LINGO2: variants seen among roughly 807,000 people sequenced by gnomAD.
LINGO2 encodes leucine rich repeat and Ig domain containing 2.
A neutral mutation model predicts 30.6 loss-of-function variants in LINGO2; 14 were observed. The ratio of observed to expected loss-of-function variants is 0.46; its 90% CI spans 0.30 to 0.72. The LOEUF is 0.72. Among genes scored for constraint, LINGO2 ranks in the 30% least tolerant of loss-of-function variants. The pLI, the probability that LINGO2 is intolerant of heterozygous loss-of-function variation, is 0.07. For missense variants in LINGO2, 729 were observed against 751.7 expected (o/e 0.97, Z 0.35); for synonymous variants, 317 against 288.5 (o/e 1.10, Z -1.00).
the LINGO2 span, among the ~76,000 whole-genome samples, chr9:28,787,023 C>T: frequency 2.3e-4 from 35 of 152,206 alleles, no homozygotes; most frequent in African/African-American, 8.4e-4. Flanking sequence ...TGAAGAAAAG[C>T]TAGTTCTAGG....
At chr9:28,435,631 G>A (rs910919917) in intron 2 of LINGO2, among the ~76,000 whole-genome samples, 4 of 152,172 alleles carry the variant, frequency 2.6e-5, no homozygotes, top group African/African-American at 9.7e-5. Flanking sequence ...CTGGAATGCA[G>A]GCTTACACAT....
the LINGO2 span, among the ~76,000 whole-genome samples, chr9:28,723,215 T>C: frequency 6.6e-6 from 1 of 152,158 alleles, no homozygotes; most frequent in African/African-American, 2.4e-5. Context: ...CTGAGATCCA[T>C]CACTTCTAAT....
chr9:29,098,998 AAC>A, the LINGO2 span, among the ~76,000 whole-genome samples: 1 of 152,200 alleles, frequency 6.6e-6, no homozygotes, highest in African/African-American at 2.4e-5. Context: ...GAGCTATAGT[AAC>A]CAAAACAGTA....
At chr9:28,307,280 T>G (rs952738873) in intron 3 of LINGO2, among the ~76,000 whole-genome samples, 1 of 151,906 alleles carries the variant, frequency 6.6e-6, no homozygotes, top group African/African-American at 2.4e-5. Flanking sequence ...TCAATATATG[T>G]AAATCAATAA....
At chr9:28,260,138 C>T (rs13299424) in intron 4 of LINGO2, among the ~76,000 whole-genome samples, 25,866 of 151,558 alleles carry the variant, frequency 0.17, 3,047 homozygotes, top group Non-Finnish European at 0.25. Flanking sequence ...GAAATTATAT[C>T]GTGATAACCC....
At chr9:29,080,491 G>A in the LINGO2 span, among the ~76,000 whole-genome samples, 1 of 151,864 alleles carries the variant, frequency 6.6e-6, no homozygotes, top group Non-Finnish European at 1.5e-5. Context: ...GCTAGCTTTT[G>A]AATGTGTTTG....
At chr9:28,090,866 T>C (rs1361390804) in intron 4 of LINGO2, among the ~76,000 whole-genome samples, 1 of 152,154 alleles carries the variant, frequency 6.6e-6, no homozygotes, top group African/African-American at 2.4e-5. Context: ...TTCAGCAAAG[T>C]CTCAGGATAC....
At chr9:29,202,038 G>A in the LINGO2 span, among the ~76,000 whole-genome samples, 1 of 151,992 alleles carries the variant, frequency 6.6e-6, no homozygotes, top group African/African-American at 2.4e-5. Flanking sequence ...CTGTCTAAAT[G>A]TTCTAAAAAT....
At chr9:28,938,017 T>C in the LINGO2 span, among the ~76,000 whole-genome samples, 1 of 152,164 alleles carries the variant, frequency 6.6e-6, no homozygotes, top group Non-Finnish European at 1.5e-5. Context: ...TTAGCTCCCA[T>C]TTACAAGTGA....
chr9:28,597,833 C>T (rs1825263811), intron 1 of LINGO2, among the ~76,000 whole-genome samples: 3 of 152,098 alleles, frequency 2.0e-5, no homozygotes, highest in African/African-American at 4.8e-5. Flanking sequence ...GACACAATCT[C>T]GGCTCACTGC....
At chr9:28,751,020 T>C in the LINGO2 span, among the ~76,000 whole-genome samples, 1 of 151,746 alleles carries the variant, frequency 6.6e-6, no homozygotes, top group Non-Finnish European at 1.5e-5. Flanking sequence ...ATTCCAGAAA[T>C]TTGGGAGGAC....
At chr9:28,685,977 A>ATGTGTGTGTGTGTGTGTGTG in the LINGO2 span, among the ~76,000 whole-genome samples, 1 of 145,584 alleles carries the variant, frequency 6.9e-6, no homozygotes, top group African/African-American at 2.5e-5. Flanking sequence ...AACATATATG[A>ATGTGTGTGTGTGTGTGTGTG]TGTGTGTGTG....
the LINGO2 span, among the ~76,000 whole-genome samples, chr9:28,693,137 G>T: frequency 1.3e-5 from 2 of 151,936 alleles, no homozygotes; most frequent in Non-Finnish European, 2.9e-5. Context: ...CCAATTTTGT[G>T]CTTTAGTCAT....
At chr9:28,911,236 A>AT in the LINGO2 span, among the ~76,000 whole-genome samples, 4 of 152,020 alleles carry the variant, frequency 2.6e-5, no homozygotes, top group Non-Finnish European at 4.4e-5. Flanking sequence ...CACTTATACA[A>AT]TTTTTTTAAA....
the LINGO2 span, among the ~76,000 whole-genome samples, chr9:29,125,511 T>C: frequency 6.6e-6 from 1 of 152,128 alleles, no homozygotes; most frequent in African/African-American, 2.4e-5. Context: ...CAAAATTTGA[T>C]AAATCCACAG....
chr9:28,869,413 C>T, the LINGO2 span, among the ~76,000 whole-genome samples: 6 of 151,846 alleles, frequency 4.0e-5, no homozygotes, highest in South Asian at 2.1e-4. Flanking sequence ...AAGTATTTGA[C>T]CAGGTGACCA....
chr9:28,972,445 T>G, the LINGO2 span, among the ~76,000 whole-genome samples: 1 of 152,150 alleles, frequency 6.6e-6, no homozygotes, highest in African/African-American at 2.4e-5. Context: ...GAGCTAAATT[T>G]AACAAATAGA....
chr9:29,001,489 C>T, the LINGO2 span, among the ~76,000 whole-genome samples: 3 of 151,954 alleles, frequency 2.0e-5, no homozygotes, highest in African/African-American at 7.2e-5. Flanking sequence ...TAAATTACAA[C>T]AGAGGCTGAC....
chr9:28,458,176 T>C (rs1411154192), intron 2 of LINGO2, among the ~76,000 whole-genome samples: 1 of 152,204 alleles, frequency 6.6e-6, no homozygotes, highest in Non-Finnish European at 1.5e-5. Flanking sequence ...CCACATGTCA[T>C]ATGTCTCAGG....
Sources: allele counts gnomAD v4.1 joint callset (sites outside exome capture counted in the v4.1 genomes callset), GRCh38; gene constraint gnomAD v4.1.1; transcripts MANE v1.5; gene names NCBI Gene and HGNC (gene_info 2026-07-23, HGNC 2026-07-21).